Variants in ENTPD3 observed in about 807,000 individuals in gnomAD.
ENTPD3 encodes the protein ectonucleoside triphosphate diphosphohydrolase 3.
A neutral mutation model predicts 51.2 loss-of-function variants in ENTPD3; 60 were observed. The ratio of observed to expected loss-of-function variants is 1.17; its 90% confidence interval spans 0.95 to 1.45. The LOEUF (loss-of-function observed/expected upper bound fraction) is 1.45. Ranked by LOEUF, ENTPD3 falls within the 40% of genes most tolerant of loss-of-function variation. The pLI, the probability that ENTPD3 is intolerant of heterozygous loss-of-function variation, is 0.00. For missense variants in ENTPD3, 593 were observed against 641.1 expected, an observed-to-expected ratio of 0.93 and a Z score of 0.81; for synonymous variants, 221 against 238.4, an observed-to-expected ratio of 0.93 and a Z score of 0.67.
Position 40,392,040 on chromosome 3 carries a change from C to G in ENTPD3, c.58C>G (p.Arg20Gly). Residue 20 changes from arginine to glycine, a missense_variant, in exon 3 of 11, where the codon CGA becomes GGA. Physicochemically the swap from Arg to Gly is moderately radical, Grantham distance 125 (BLOSUM62 -2). Coordinates refer to ENST00000301825, the MANE Select transcript of ENTPD3 (RefSeq NM_001248.4). ...CEQAGLKALY[R>G]TPTIIALVVL... The stretch of plus-strand genomic sequence containing the variant: ...CATTTTAGGCCTCAAGGCCCTCTAC[C>G]GAACTCCAACCATCATTGCCTTGGT... The G allele has an allele frequency of 6.2e-7, 1 of 1,614,166 alleles. No individual in the cohort carries two copies. Among genetic ancestry groups the G allele is most frequent in the Non-Finnish European group, 8.5e-7 (1 of 1,180,020 alleles).
rs544296473 is a variant in ENTPD3 at position 40,417,932 on chromosome 3, GC to G, written c.831+1860del. Among the ~76,000 whole-genome samples the G allele has an allele frequency of 9.9e-5, 15 of 152,212 alleles. No homozygotes were observed. In the South Asian group the frequency reaches 2.9e-3, roughly 30 times the overall value. On this transcript the variant is annotated intron_variant, in intron 7 of 10. Coordinates refer to ENST00000301825, the MANE Select transcript of ENTPD3 (RefSeq NM_001248.4). ...CAGAGAGGCTAATCTTTTAAATTTG[GC>G]TGGCCCTATGGAATGTGTGTGTTTC...
intron 7 of ENTPD3, among the ~76,000 whole-genome samples, chr3:40,420,430 G>A (rs1955842941): frequency 6.6e-6 from 1 of 151,604 alleles, no homozygotes; most frequent in Non-Finnish European, 1.5e-5. Context: ...TAGTAGAGAT[G>A]GGGTTTCACT....
intron 7 of ENTPD3, among the ~76,000 whole-genome samples, chr3:40,417,248 A>G (rs917203159): frequency 5.3e-5 from 8 of 152,356 alleles, no homozygotes; most frequent in East Asian, 1.9e-4. Context: ...TCACACTACT[A>G]TAAAGAAATA....
At chr3:40,387,704 C>A (rs1954970362) in intron 1 of ENTPD3, among the ~76,000 whole-genome samples, 1 of 152,192 alleles carries the variant, frequency 6.6e-6, no homozygotes, top group South Asian at 2.1e-4. Flanking sequence ...AAAGCCCCGC[C>A]TCAGCTTTGT....
At chr3:40,406,513 G>T (rs1205503165) in intron 4 of ENTPD3, among the ~76,000 whole-genome samples, 1 of 152,202 alleles carries the variant, frequency 6.6e-6, no homozygotes, top group Non-Finnish European at 1.5e-5. Context: ...AGTTGATATA[G>T]AACACGTAGT....
intron 2 of ENTPD3, chr3:40,391,688 AAAG>A: frequency 3.3e-6 from 1 of 307,530 alleles, no homozygotes; most frequent in Non-Finnish European, 6.0e-6. Context: ...AAAAAAAAAA[AAAG>A]AAAAGAAAAA....
chr3:40,400,383 G>A (rs1332677985), intron 3 of ENTPD3, among the ~76,000 whole-genome samples: 1 of 152,116 alleles, frequency 6.6e-6, no homozygotes. Context: ...TAGAAGTTTG[G>A]AAATAGAGGG....
At position 40,400,264 on chromosome 3, in the gene ENTPD3, C is replaced by CA. The variant is rs374610863; in HGVS notation, c.169-613dup. On this transcript the variant is annotated intron_variant, in intron 3 of 10. Coordinates refer to ENST00000301825, the MANE Select transcript of ENTPD3 (RefSeq NM_001248.4). ...TGGGTGATAAGAGTGAACTGCATCTCAAAAAAAAAAAAAAAAAGAAAAAAG... is the reference window on the plus strand; with the variant it reads ...TGGGTGATAAGAGTGAACTGCATCTCAAAAAAAAAAAAAAAAAAGAAAAAAG... 6.2e-3 allele frequency among the ~76,000 whole-genome samples: 445 copies of CA among 72,216 alleles called. 2 individuals are homozygous for CA. The highest frequency in any genetic ancestry group is 0.031 in the East Asian group (72 of 2,286). The allele number at this position is 72,216 out of a possible 152,430, so 47.4% of individuals were successfully genotyped here.
chr3:40,399,294 T>A (rs968598049), intron 3 of ENTPD3, among the ~76,000 whole-genome samples: 1 of 152,224 alleles, frequency 6.6e-6, no homozygotes, highest in Non-Finnish European at 1.5e-5. Flanking sequence ...TGCTTTGTTT[T>A]CTTTTCTGTT....
Position 40,428,081 on chromosome 3 carries a change from C to T in ENTPD3, c.*573C>T, listed in dbSNP as rs1289345456. 1 of 156,678 alleles carries T rather than the reference C, an allele frequency of 6.4e-6. No homozygotes were observed. Among genetic ancestry groups the T allele is most frequent in the Non-Finnish European group, 1.4e-5 (1 of 70,478 alleles). 9.7% of individuals were successfully genotyped at this position (156,678 alleles called of 1,614,324 possible). The stretch of plus-strand genomic sequence containing the variant: ...CCAGGCTTCTGTCATACAGGTAGAT[C>T]CCGAAGCACAGAGACATAAAAAAGG... On this transcript the variant is annotated 3_prime_UTR_variant, in exon 11 of 11. Transcript: ENST00000301825.
In ENTPD3 at chr3:40,405,295, A is replaced by G. The variant is rs138564576; in HGVS notation, c.286+4284A>G. Among the ~76,000 whole-genome samples the G allele has an allele frequency of 8.1e-4, 123 of 152,172 alleles. 1 individual carries two copies. The East Asian group carries it at 0.019, about 24-fold the overall frequency. ...TGAGGCGGGTGGATCACCTGAGGCA[A>G]AGAGTTTGAGACCAGCCTGGCCAAC... On this transcript the variant is annotated intron_variant, in intron 4 of 10. Coordinates refer to ENST00000301825, the MANE Select transcript of ENTPD3 (RefSeq NM_001248.4).
intron 6 of ENTPD3, 31 bp downstream of exon 6, chr3:40,414,871 C>G: frequency 6.2e-7 from 1 of 1,611,348 alleles, no homozygotes; most frequent in Non-Finnish European, 8.5e-7. Flanking sequence ...GGTTTTTAAT[C>G]TTACTGTTTA....
intron 4 of ENTPD3, among the ~76,000 whole-genome samples, chr3:40,409,573 G>T (rs988454749): frequency 2.2e-4 from 33 of 152,174 alleles, no homozygotes; most frequent in African/African-American, 7.7e-4. Flanking sequence ...CAATGCTCAG[G>T]TTTTTTTATT....
In ENTPD3 at chr3:40,412,160, A is replaced by G. The variant is rs142581141; in HGVS notation, c.437+198A>G. Among the ~76,000 whole-genome samples the G allele has an allele frequency of 5.5e-3, 831 of 152,322 alleles. 25 individuals are homozygous for G. Among genetic ancestry groups the G allele is most frequent in the Admixed American group, 0.051 (775 of 15,298 alleles). The stretch of plus-strand genomic sequence containing the variant: ...TAATACCCAGAAAGAAACAGTTCTA[A>G]AATTGTTTCCCTCTCCCTTGGTGAT... On this transcript the variant is annotated intron_variant, in intron 5 of 10. Transcript: ENST00000301825.
intron 3 of ENTPD3, chr3:40,394,363 C>A (rs982151963): frequency 4.7e-5 from 14 of 300,898 alleles, no homozygotes; most frequent in African/African-American, 2.5e-4. Flanking sequence ...CTCAGGTGAT[C>A]CACCCACCTC....
intron 7 of ENTPD3, among the ~76,000 whole-genome samples, chr3:40,421,701 A>G (rs1032469533): frequency 6.6e-6 from 1 of 152,256 alleles, no homozygotes; most frequent in Admixed American, 6.5e-5. Context: ...AGGCCACTGT[A>G]TAAGTACAAT....
At chr3:40,402,976 G>C (rs972624706) in intron 4 of ENTPD3, among the ~76,000 whole-genome samples, 26 of 152,116 alleles carry the variant, frequency 1.7e-4, no homozygotes, top group South Asian at 4.2e-4. Flanking sequence ...CTCCCAACCA[G>C]GGTGTTCTGA....
In ENTPD3 at chr3:40,414,980, A is replaced by G. The variant is rs144846398; in HGVS notation, c.597+140A>G. The stretch of plus-strand genomic sequence containing the variant: ...CATGTAACGCATTAGGGAAATACCT[A>G]TGAGACAATAGCTAAGAAAGACATA... On this transcript the variant is annotated intron_variant, in intron 6 of 10. Transcript: ENST00000301825. The G allele has an allele frequency of 2.2e-4, 187 of 840,666 alleles. 1 individual carries two copies. The African/African-American group carries it at 2.7e-3, about 12-fold the overall frequency. 52.1% of individuals were successfully genotyped at this position (840,666 alleles called of 1,614,324 possible). A position where few individuals can be genotyped will look rare whatever the true frequency, so the allele number is the denominator to read the frequency against.
Position 40,423,015 on chromosome 3 carries a change from CTG to C in ENTPD3, c.1001_1002del (p.Cys334Ter). ...TTTTGAAGGAACTGGGGACCCATCT[CTG>C]TGTAAGGAGAAGGTGGCTTCCATAT... The part of the protein sequence containing the change: ...ITFEGTGDPS[L>X]CKEKVASIFD... On this transcript the variant is annotated frameshift_variant, in exon 8 of 11. Coordinates refer to ENST00000301825, the MANE Select transcript of ENTPD3 (RefSeq NM_001248.4). LOFTEE classifies it high-confidence loss of function. 1 of 1,614,094 alleles carries C rather than the reference CTG, an allele frequency of 6.2e-7. No individual in the cohort carries two copies. Among genetic ancestry groups the C allele is most frequent in the Non-Finnish European group, 8.5e-7 (1 of 1,179,994 alleles).
Sources: allele counts gnomAD v4.1 joint callset (sites outside exome capture counted in the v4.1 genomes callset), GRCh38; gene constraint gnomAD v4.1.1; transcripts MANE v1.5; gene names NCBI Gene and HGNC (gene_info 2026-07-23, HGNC 2026-07-21).